The following CFAP46 variants were observed in gnomAD, a reference collection of about 807,000 sequenced individuals.
CFAP46 encodes the protein cilia- and flagella-associated protein 46.
CFAP46 carries 245 observed loss-of-function variants against 325.7 expected under a neutral mutation model. The ratio of observed to expected loss-of-function variants is 0.75; its 90% CI spans 0.68 to 0.84. The LOEUF (loss-of-function observed/expected upper bound fraction) is 0.84, where lower values mean the gene tolerates loss of function less well. CFAP46 is among the 40% of genes least tolerant of loss of function. CFAP46 has a pLI of 0.00. For missense variants in CFAP46, 3,346 were observed against 3,543.0 expected (o/e 0.94, Z 1.41); for synonymous variants, 1,523 against 1,495.9 (o/e 1.02, Z -0.42).
intron 32 of CFAP46, among the ~76,000 whole-genome samples, chr10:132,871,704 C>T (rs998036231): frequency 2.0e-5 from 3 of 152,236 alleles, no homozygotes. Flanking sequence ...GGAATTGCCT[C>T]TTATGGATGA....
At chr10:132,859,339 A>T (rs1848692736) in intron 37 of CFAP46, 92 bp from the exon 38 acceptor site, 1 of 1,140,668 alleles carries the variant, frequency 8.8e-7, no homozygotes, top group African/African-American at 1.6e-5. Context: ...CCCGGTGTTC[A>T]TCCAGGGATG....
intron 4 of CFAP46, 137 bp from the exon 5 acceptor site, chr10:132,938,890 C>T (rs1850056115): frequency 5.5e-6 from 4 of 722,534 alleles, no homozygotes; most frequent in Non-Finnish European, 8.9e-6. Context: ...GCAGCAGCCC[C>T]ACCTGAGAAG....
chr10:132,914,060 G>A (rs1024765361), intron 17 of CFAP46, among the ~76,000 whole-genome samples: 5 of 146,014 alleles, frequency 3.4e-5, no homozygotes, highest in African/African-American at 5.1e-5. Flanking sequence ...ACTGCACCCC[G>A]GCCCGAGGCT....
intron 50 of CFAP46, among the ~76,000 whole-genome samples, chr10:132,825,896 C>G (rs1404740903): frequency 6.6e-6 from 1 of 152,120 alleles, no homozygotes; most frequent in Non-Finnish European, 1.5e-5. Context: ...TGCAGACAGA[C>G]AGGGTGTCTG....
chr10:132,916,502 A>G, intron 17 of CFAP46, 47 bp downstream of exon 17: 2 of 1,521,446 alleles, frequency 1.3e-6, no homozygotes, highest in Non-Finnish European at 1.8e-6. Flanking sequence ...GGACACTCTG[A>G]CCCACGGCCC....
Position 132,846,221 on chromosome 10 carries a change from A to G in CFAP46, c.6274T>C (p.Ser2092Pro). ...ACATCCCTCATCGTCTCTGAGGCCGAGCAGCTCTGAAAGGGAGCAGGGGAG... is the reference window on the plus strand; with the variant it reads ...ACATCCCTCATCGTCTCTGAGGCCGGGCAGCTCTGAAAGGGAGCAGGGGAG... ...CQFLALSQSCSASETMRDVLL... is the reference protein window; with the variant it reads ...CQFLALSQSCPASETMRDVLL... Residue 2092 changes from serine (S) to proline (P), a missense_variant, in exon 44 of 58, where the codon TCG (serine) becomes CCG (proline). Physicochemically the swap from Ser to Pro is moderately conservative, Grantham distance 74. Transcript: ENST00000368586. The G allele has an allele frequency of 6.2e-7, 1 of 1,611,516 alleles. No individual in the cohort carries two copies. The highest frequency in any genetic ancestry group is 8.5e-7 in the Non-Finnish European group (1 of 1,179,492).
At chr10:132,916,190 C>T (rs1214469274) in intron 17 of CFAP46, among the ~76,000 whole-genome samples, 1 of 152,194 alleles carries the variant, frequency 6.6e-6, no homozygotes, top group East Asian at 1.9e-4. Context: ...CTATTTTCTG[C>T]CACGAAGACC....
chr10:132,869,256 G>C lies in CFAP46; in HGVS notation c.4610+18C>G. 3 of 1,512,524 alleles carry C rather than the reference G, an allele frequency of 2.0e-6. No individual in the cohort carries two copies. 93.7% of individuals were successfully genotyped at this position (1,512,524 alleles called of 1,614,324 possible). On this transcript the variant is annotated intron_variant, in intron 33 of 57. Coordinates refer to ENST00000368586, the MANE Select transcript of CFAP46 (RefSeq NM_001200049.3). This position sits in a 1 kb window ranked among gnomAD's most constrained non-coding sequence, Gnocchi z 6.2. Reference sequence around the variant, plus strand: ...CGAGACTCAAACCCCAGGCGGCGCAGGGTGGGACGGCACACACCTGGCCTG... The same window carrying C: ...CGAGACTCAAACCCCAGGCGGCGCACGGTGGGACGGCACACACCTGGCCTG...
chr10:132,834,901 C>T (rs1848214139), intron 47 of CFAP46, 126 bp from the exon 48 acceptor site: 1 of 1,353,160 alleles, frequency 7.4e-7, no homozygotes, highest in African/African-American at 1.5e-5. Context: ...TGGACAAGGG[C>T]ACCTGGCTCG....
chr10:132,831,260 C>A (rs1478398165), intron 50 of CFAP46, among the ~76,000 whole-genome samples: 3 of 127,000 alleles, frequency 2.4e-5, no homozygotes, highest in African/African-American at 7.3e-5. Flanking sequence ...AGTGTACATT[C>A]TTCTGCCGTG....
chr10:132,941,154 G>T, intron 3 of CFAP46, 94 bp from the exon 4 acceptor site: 1 of 1,249,644 alleles, frequency 8.0e-7, no homozygotes. Flanking sequence ...CGGTTGGCCT[G>T]GTACCCCCTG....
At chr10:132,912,588 T>TTTCAC (rs59156892) in intron 19 of CFAP46, 67 bp downstream of exon 19, 51,723 of 1,292,548 alleles carry the variant, frequency 0.04, 1,094 homozygotes, top group Admixed American at 0.11. Flanking sequence ...TCCTCTCCTC[T>TTTCAC]CTCTCTCTCC....
intron 48 of CFAP46, 84 bp from the exon 49 acceptor site, chr10:132,834,207 C>T: frequency 1.6e-6 from 2 of 1,259,838 alleles, no homozygotes; most frequent in Non-Finnish European, 2.3e-6. Flanking sequence ...CAGCCTGTTT[C>T]ACTCTAAGGC....
At chr10:132,826,679 C>T (rs1027516505) in intron 50 of CFAP46, among the ~76,000 whole-genome samples, 23 of 140,702 alleles carry the variant, frequency 1.6e-4, no homozygotes, top group South Asian at 9.8e-4. Context: ...GCCGGAGCCA[C>T]GGAGACCAGC....
At chr10:132,885,042 G>A (rs964744699) in intron 27 of CFAP46, 61 bp downstream of exon 27, 61 of 1,483,898 alleles carry the variant, frequency 4.1e-5, no homozygotes, top group East Asian at 1.2e-4. Flanking sequence ...CTGTCCACAC[G>A]GTTCTCCCTT....
chr10:132,839,454 G>C lies in CFAP46; in HGVS notation c.6439-2540C>G, dbSNP rs548378144. The stretch of plus-strand genomic sequence containing the variant: ...GTGGCTTCATGGCACGGAGCCTCTC[G>C]GCCCACACACACGGAACAGCACCCG... On this transcript the variant is annotated intron_variant, in intron 44 of 57. Coordinates refer to ENST00000368586, the MANE Select transcript of CFAP46 (RefSeq NM_001200049.3). Among the ~76,000 whole-genome samples, 4 of 152,298 alleles carry C rather than the reference G, an allele frequency of 2.6e-5. No individual in the cohort carries two copies. In the South Asian group the frequency reaches 8.3e-4, roughly 32 times the overall value.
At chr10:132,909,809 G>A (rs868670339) in intron 20 of CFAP46, 110 bp downstream of exon 20, 1 of 1,024,042 alleles carries the variant, frequency 9.8e-7, no homozygotes, top group Non-Finnish European at 1.3e-6. Context: ...CATCCGTGAT[G>A]GCTCCATCTG....
chr10:132,893,548 C>A (rs539593471), intron 24 of CFAP46, among the ~76,000 whole-genome samples: 52 of 152,218 alleles, frequency 3.4e-4, no homozygotes, highest in African/African-American at 1.2e-3. Flanking sequence ...TTCTTCCTTT[C>A]TACCCAATAA....
At chr10:132,891,730 A>G (rs533561418) in intron 25 of CFAP46, among the ~76,000 whole-genome samples, 1 of 152,334 alleles carries the variant, frequency 6.6e-6, no homozygotes, top group African/African-American at 2.4e-5. Flanking sequence ...TCTGCAAGAT[A>G]AAAACCTTGG....
Sources: allele counts gnomAD v4.1 joint callset (sites outside exome capture counted in the v4.1 genomes callset), GRCh38; gene constraint gnomAD v4.1.1; non-coding constraint Gnocchi (gnomAD v3.1); transcripts MANE v1.5; gene names NCBI Gene and HGNC (gene_info 2026-07-23, HGNC 2026-07-21).